Variants in PDE4D observed in about 807,000 individuals in gnomAD.
PDE4D encodes phosphodiesterase 4D.
In PDE4D, 24 loss-of-function variants were observed where a neutral mutation model predicts 87.4. The ratio of observed to expected loss-of-function variants is 0.27; its 90% CI spans 0.20 to 0.39. The LOEUF (loss-of-function observed/expected upper bound fraction) is 0.39. PDE4D is among the 10% of genes least tolerant of loss of function. The pLI, the probability that PDE4D is intolerant of heterozygous loss-of-function variation, is 1.00. For missense variants in PDE4D, 714 were observed against 1,041.0 expected (o/e 0.69, Z 4.32); for synonymous variants, 384 against 383.2 (o/e 1.00, Z -0.02).
intron 2 of PDE4D, among the ~76,000 whole-genome samples, chr5:60,119,645 G>T (rs1778490848): frequency 2.0e-5 from 3 of 152,148 alleles, no homozygotes; most frequent in Admixed American, 2.0e-4. Flanking sequence ...TAACTCATAA[G>T]GCTGTTTGGG....
chr5:60,121,364 C>A (rs1778665535), intron 2 of PDE4D, among the ~76,000 whole-genome samples: 1 of 151,898 alleles, frequency 6.6e-6, no homozygotes, highest in Non-Finnish European at 1.5e-5. Context: ...CATAGAATAA[C>A]CTTGTATTAG....
intron 1 of PDE4D, among the ~76,000 whole-genome samples, chr5:59,839,731 T>G (rs1260960887): frequency 1.3e-5 from 2 of 152,030 alleles, no homozygotes; most frequent in African/African-American, 4.8e-5. Context: ...GTAATATTCA[T>G]GCATGTGAGC....
intron 1 of PDE4D, among the ~76,000 whole-genome samples, chr5:59,666,916 G>A (rs1746164072): frequency 6.6e-6 from 1 of 152,108 alleles, no homozygotes; most frequent in Non-Finnish European, 1.5e-5. Flanking sequence ...TCACATGATG[G>A]ACTGCAGCAC....
chr5:59,888,153 A>G (rs1750444647), intron 1 of PDE4D, among the ~76,000 whole-genome samples: 3 of 152,232 alleles, frequency 2.0e-5, no homozygotes, highest in Admixed American at 6.5e-5. Context: ...GATGTGGTCA[A>G]TTACCTATTT....
chr5:60,106,810 C>G (rs935745669), intron 2 of PDE4D, among the ~76,000 whole-genome samples: 1 of 151,802 alleles, frequency 6.6e-6, no homozygotes, highest in African/African-American at 2.4e-5. Flanking sequence ...TTGAAACCAA[C>G]GAGAACAAAG....
Position 59,380,415 on chromosome 5 carries a change from A to G in PDE4D, c.456-164447T>C, listed in dbSNP as rs1349409110. On this transcript the variant is annotated intron_variant, in intron 1 of 14. Transcript: ENST00000340635. ...AAAAAAAAAAAAAAAAAGAGAGAGA[A>G]AGAAGTGAGAAAGAAGTAGGAAAAA... 2.8e-4 allele frequency among the ~76,000 whole-genome samples: 42 copies of G among 149,852 alleles called. 1 individual carries two copies. The South Asian group carries it at 8.5e-3, about 30-fold the overall frequency.
At chr5:60,294,800 G>A (rs1000430424) in intron 1 of PDE4D, among the ~76,000 whole-genome samples, 8 of 151,856 alleles carry the variant, frequency 5.3e-5, no homozygotes, top group Non-Finnish European at 1.2e-4. Context: ...ATAGAGTCAG[G>A]TAGAATTGCT....
At chr5:59,262,219 G>T (rs946673566) in intron 1 of PDE4D, among the ~76,000 whole-genome samples, 3 of 151,806 alleles carry the variant, frequency 2.0e-5, no homozygotes, top group Non-Finnish European at 2.9e-5. Context: ...AGCCAGCAGG[G>T]TACCTGTGGC....
intron 3 of PDE4D, among the ~76,000 whole-genome samples, chr5:59,930,603 A>C (rs1755807438): frequency 6.6e-6 from 1 of 152,202 alleles, no homozygotes; most frequent in Non-Finnish European, 1.5e-5. Context: ...CCCAGCTTAC[A>C]GTCATTTGTT....
intron 1 of PDE4D, among the ~76,000 whole-genome samples, chr5:60,271,477 T>G (rs1750800989): frequency 1.3e-5 from 2 of 152,208 alleles, no homozygotes; most frequent in South Asian, 4.1e-4. Context: ...ACATTAATCC[T>G]ATAATTTCAC....
chr5:60,400,065 T>A (rs1740917617), intron 1 of PDE4D, among the ~76,000 whole-genome samples: 1 of 152,210 alleles, frequency 6.6e-6, no homozygotes, highest in Non-Finnish European at 1.5e-5. Context: ...ATCTGAGGCT[T>A]ATCCTACCTT....
intron 1 of PDE4D, among the ~76,000 whole-genome samples, chr5:59,404,614 A>G (rs1791284963): frequency 6.7e-6 from 1 of 149,304 alleles, no homozygotes; most frequent in Admixed American, 6.7e-5. Flanking sequence ...AGCTGAGATC[A>G]CACCACTGCA....
At chr5:59,039,481 G>A (rs1759229636) in intron 5 of PDE4D, 1 of 985,586 alleles carries the variant, frequency 1.0e-6, no homozygotes, top group Admixed American at 6.1e-5. Flanking sequence ...TGAAGTGAAT[G>A]AATCAGCCGC....
At chr5:60,272,696 G>A (rs181774228) in intron 1 of PDE4D, among the ~76,000 whole-genome samples, 5 of 152,230 alleles carry the variant, frequency 3.3e-5, no homozygotes, top group Non-Finnish European at 2.9e-5. Context: ...TCCTCATCTA[G>A]TTCTGGAAGG....
rs372481921 is a variant in PDE4D at position 60,058,663 on chromosome 5, A to G, written c.43-69946T>C. ...TGGGATGGAACTGAGAGTTGTTTAA[A>G]AAATCATAAAAGTTAGAATATCCCC... is the stretch of plus-strand genomic sequence containing the variant. On this transcript the variant is annotated intron_variant, in intron 2 of 16. Transcript: ENST00000502484. Among the ~76,000 whole-genome samples the G allele has an allele frequency of 3.1e-4, 47 of 152,042 alleles. 1 individual carries two copies. The highest frequency in any genetic ancestry group is 1.0e-3 in the African/African-American group (42 of 41,502).
intron 1 of PDE4D, among the ~76,000 whole-genome samples, chr5:59,336,165 G>A (rs1046270397): frequency 1.3e-5 from 2 of 152,136 alleles, no homozygotes; most frequent in African/African-American, 2.4e-5. Context: ...GCCTGGAATT[G>A]GTACCCACAA....
intron 3 of PDE4D, among the ~76,000 whole-genome samples, chr5:59,926,448 A>G (rs950567860): frequency 6.6e-5 from 10 of 152,268 alleles, no homozygotes; most frequent in African/African-American, 2.4e-4. Context: ...ACCTGAAAGA[A>G]CTAGAAAAGC....
chr5:60,432,365 C>A (rs1173239170), intron 1 of PDE4D, among the ~76,000 whole-genome samples: 1 of 152,114 alleles, frequency 6.6e-6, no homozygotes. Flanking sequence ...TAGAATTTTG[C>A]TGTGAATCTG....
intron 2 of PDE4D, among the ~76,000 whole-genome samples, chr5:59,214,784 T>C (rs1200855674): frequency 1.3e-5 from 2 of 152,190 alleles, no homozygotes; most frequent in Admixed American, 6.5e-5. Context: ...AACCATAGTT[T>C]GTAAAAATGA....
Sources: gnomAD v4.1 joint callset for allele counts (sites outside exome capture counted in the v4.1 genomes callset) on GRCh38, gnomAD v4.1.1 for gene constraint, MANE v1.5 for transcripts, NCBI Gene and HGNC (gene_info 2026-07-23, HGNC 2026-07-21) for gene names.